FSHR: variants seen among roughly 807,000 people sequenced by gnomAD.
FSHR encodes the protein follicle-stimulating hormone receptor.
FSHR carries 46 observed loss-of-function variants against 52.1 expected under a neutral mutation model. The ratio of observed to expected loss-of-function variants is 0.88; its 90% confidence interval spans 0.70 to 1.13. FSHR has a LOEUF of 1.13. Ranked by LOEUF, FSHR falls within the 50% of genes most tolerant of loss-of-function variation. The pLI, the probability that FSHR is intolerant of heterozygous loss-of-function variation, is 0.00. For synonymous variants in FSHR, 399 were observed against 309.6 expected, an observed-to-expected ratio of 1.29 and a Z score of -3.03; for missense variants, 964 against 834.6, an observed-to-expected ratio of 1.16 and a Z score of -1.91.
chr2:49,137,747 C>T (rs1280439580), intron 1 of FSHR, among the ~76,000 whole-genome samples: 1 of 152,080 alleles, frequency 6.6e-6, no homozygotes, highest in Non-Finnish European at 1.5e-5. Flanking sequence ...ATTAAATATT[C>T]ACATGCAAGA....
At chr2:48,983,249 G>C in intron 6 of FSHR, 83 bp from the exon 7 acceptor site, 1 of 1,279,412 alleles carries the variant, frequency 7.8e-7, no homozygotes, top group South Asian at 1.2e-5. Flanking sequence ...ACTGAGCAAG[G>C]GCAGACAGCA....
At chr2:49,119,397 G>GTTTTT (rs1385157056) in intron 1 of FSHR, among the ~76,000 whole-genome samples, 3 of 148,706 alleles carry the variant, frequency 2.0e-5, no homozygotes. Context: ...TTTTGTTTTT[G>GTTTTT]TTTTTGTTTT....
At chr2:49,108,519 C>T (rs1671315141) in intron 1 of FSHR, among the ~76,000 whole-genome samples, 1 of 152,134 alleles carries the variant, frequency 6.6e-6, no homozygotes, top group Non-Finnish European at 1.5e-5. Flanking sequence ...TAGAGTTCTG[C>T]TACCTTTGGA....
intron 1 of FSHR, among the ~76,000 whole-genome samples, chr2:49,133,669 T>C (rs547860540): frequency 1.8e-4 from 27 of 152,234 alleles, no homozygotes; most frequent in African/African-American, 6.3e-4. Flanking sequence ...CTTCAAACTA[T>C]ACTATAAGGC....
chr2:49,143,568 A>G (rs900039040), intron 1 of FSHR, among the ~76,000 whole-genome samples: 1 of 152,160 alleles, frequency 6.6e-6, no homozygotes, highest in African/African-American at 2.4e-5. Flanking sequence ...TTAAATAAAC[A>G]ACTATTTGTT....
intron 1 of FSHR, among the ~76,000 whole-genome samples, chr2:49,150,390 C>T (rs1445961192): frequency 6.6e-6 from 1 of 152,090 alleles, no homozygotes; most frequent in African/African-American, 2.4e-5. Flanking sequence ...TATCTCTTGA[C>T]TGACTTGGTC....
At chr2:49,032,891 A>G (rs1405827448) in intron 2 of FSHR, among the ~76,000 whole-genome samples, 2 of 152,210 alleles carry the variant, frequency 1.3e-5, no homozygotes, top group Non-Finnish European at 2.9e-5. Flanking sequence ...TCCTAAAAAT[A>G]TAAGTATTTG....
chr2:49,019,020 T>G (rs1295541710), intron 3 of FSHR, among the ~76,000 whole-genome samples: 1 of 152,244 alleles, frequency 6.6e-6, no homozygotes, highest in African/African-American at 2.4e-5. Flanking sequence ...ACAACTTCTC[T>G]GTGCCTTTCC....
intron 1 of FSHR, among the ~76,000 whole-genome samples, chr2:49,072,282 G>A (rs1054427060): frequency 1.4e-4 from 21 of 152,154 alleles, no homozygotes; most frequent in Admixed American, 9.8e-4. Flanking sequence ...TCATACATGG[G>A]TCAAAGAAGA....
At chr2:49,014,261 G>A (rs1375945334) in intron 4 of FSHR, among the ~76,000 whole-genome samples, 1 of 152,100 alleles carries the variant, frequency 6.6e-6, no homozygotes, top group Non-Finnish European at 1.5e-5. Context: ...TCCTTAGAAA[G>A]CAGGTTTAAA....
intron 2 of FSHR, among the ~76,000 whole-genome samples, chr2:49,041,001 A>G (rs1668460225): frequency 6.6e-6 from 1 of 152,174 alleles, no homozygotes. Context: ...TCGGTCTATG[A>G]TACTATTACC....
chr2:49,018,322 A>T (rs904428683), intron 3 of FSHR, among the ~76,000 whole-genome samples: 14 of 152,184 alleles, frequency 9.2e-5, no homozygotes, highest in African/African-American at 2.9e-4. Context: ...CAACACAGAC[A>T]GCCTGCCCTT....
At chr2:49,098,755 TATA>T (rs1049894304) in intron 1 of FSHR, among the ~76,000 whole-genome samples, 2 of 141,576 alleles carry the variant, frequency 1.4e-5, no homozygotes, top group African/African-American at 2.5e-5. Flanking sequence ...TATATTATTA[TATA>T]ATAATATGTA....
At chr2:49,153,595 G>A (rs1673137484) in intron 1 of FSHR, among the ~76,000 whole-genome samples, 1 of 152,074 alleles carries the variant, frequency 6.6e-6, no homozygotes, top group Non-Finnish European at 1.5e-5. Flanking sequence ...CTAAATTCTT[G>A]GCCAACTCTA....
intron 2 of FSHR, among the ~76,000 whole-genome samples, chr2:49,023,383 G>T (rs1313570368): frequency 2.6e-5 from 4 of 152,124 alleles, no homozygotes; most frequent in African/African-American, 7.2e-5. Context: ...GTAGACTAAG[G>T]AAAAGAAATC....
chr2:49,097,279 G>C (rs974067222), intron 1 of FSHR, among the ~76,000 whole-genome samples: 5 of 152,072 alleles, frequency 3.3e-5, no homozygotes, highest in Non-Finnish European at 7.4e-5. Context: ...CTAAGCTGTA[G>C]GTGAATCTGT....
At chr2:49,028,718 C>T (rs1235533411) in intron 2 of FSHR, among the ~76,000 whole-genome samples, 2 of 152,180 alleles carry the variant, frequency 1.3e-5, no homozygotes, top group Non-Finnish European at 2.9e-5. Context: ...TGGTCCTTCA[C>T]CCACCATTGT....
chr2:49,141,162 T>C (rs1298664901), intron 1 of FSHR, among the ~76,000 whole-genome samples: 2 of 152,254 alleles, frequency 1.3e-5, no homozygotes, highest in Non-Finnish European at 2.9e-5. Context: ...ATTTACTTTT[T>C]AGTCCTTCTA....
Position 48,990,536 on chromosome 2 carries a change from A to G in FSHR, c.446+30T>C, listed in dbSNP as rs376735786. The G allele has an allele frequency of 2.9e-6, 4 of 1,399,504 alleles. No individual in the cohort carries two copies. The South Asian group carries it at 3.5e-5, about 12-fold the overall frequency. 86.7% of individuals were successfully genotyped at this position (1,399,504 alleles called of 1,614,324 possible). On this transcript the variant is annotated intron_variant, in intron 5 of 9. Transcript: ENST00000406846. ...TGGGCAAGACAGATACTGAGTAAAG[A>G]GTTGGTAGTCACTCAAGGAAAAAAC...
Sources: gnomAD v4.1 joint callset for allele counts (sites outside exome capture counted in the v4.1 genomes callset) on GRCh38, gnomAD v4.1.1 for gene constraint, MANE v1.5 for transcripts, NCBI Gene and HGNC (gene_info 2026-07-23, HGNC 2026-07-21) for gene names.